AP1G1: variants seen among roughly 807,000 people sequenced by gnomAD.
AP1G1 encodes the protein AP-1 complex subunit gamma-1.
AP1G1 carries 7 observed loss-of-function variants against 108.3 expected under a neutral mutation model. That is an observed-to-expected ratio of 0.06 (90% CI 0.04 to 0.12). AP1G1 has a LOEUF of 0.12. Ranked by LOEUF, AP1G1 falls within the 10% of genes least tolerant of loss-of-function variation. AP1G1 has a pLI of 1.00. For missense variants in AP1G1, 756 were observed against 1,010.7 expected (o/e 0.75, Z 3.42); for synonymous variants, 379 against 353.5 (o/e 1.07, Z -0.81).
chr16:71,776,728 A>C (rs1023997422), intron 2 of AP1G1, among the ~76,000 whole-genome samples: 1 of 152,192 alleles, frequency 6.6e-6, no homozygotes, highest in African/African-American at 2.4e-5. Flanking sequence ...ACATACTCTT[A>C]GGCATTAATA....
intron 1 of AP1G1, among the ~76,000 whole-genome samples, chr16:71,800,977 A>G (rs1386203969): frequency 6.6e-6 from 1 of 152,062 alleles, no homozygotes; most frequent in Non-Finnish European, 1.5e-5. Context: ...CCTGGGCAGC[A>G]AAAGCAAAAC....
At chr16:71,750,393 A>G in intron 13 of AP1G1, 61 bp from the exon 14 acceptor site, 1 of 1,583,712 alleles carries the variant, frequency 6.3e-7, no homozygotes, top group Non-Finnish European at 8.6e-7. Flanking sequence ...AACAAGTGTT[A>G]GCTATTATTA....
At chr16:71,736,611 A>T (rs533397275) in intron 21 of AP1G1, among the ~76,000 whole-genome samples, 1 of 143,018 alleles carries the variant, frequency 7.0e-6, no homozygotes, top group Non-Finnish European at 1.5e-5. Context: ...TTTTGAGACG[A>T]GTCTCGCTCT....
intron 2 of AP1G1, among the ~76,000 whole-genome samples, chr16:71,775,600 A>T (rs1396680044): frequency 2.6e-5 from 4 of 152,080 alleles, no homozygotes; most frequent in African/African-American, 9.7e-5. Flanking sequence ...TTTGGGAATT[A>T]AAAAAAACTC....
At chr16:71,790,914 C>T (rs983426432) in intron 1 of AP1G1, among the ~76,000 whole-genome samples, 6 of 152,106 alleles carry the variant, frequency 3.9e-5, no homozygotes, top group African/African-American at 1.4e-4. Flanking sequence ...CTCCAAAGGA[C>T]ATCATTATGA....
At chr16:71,766,586 T>C (rs1194919218) in intron 6 of AP1G1, 9 of 306,630 alleles carry the variant, frequency 2.9e-5, no homozygotes, top group South Asian at 1.1e-4. Flanking sequence ...GCAAAGTGAA[T>C]TGCATTCCAT....
In AP1G1 at chr16:71,745,633, G is replaced by A. The variant is rs1362951133; in HGVS notation, c.1731-19C>T. ...GGCAGACCTAGAAGAATCTGAAGTG[G>A]TTAAATTCTAGGCAGTTAACCTAGA... On this transcript the variant is annotated intron_variant, in intron 17 of 22. Coordinates refer to ENST00000299980, the MANE Select transcript of AP1G1 (RefSeq NM_001128.6). 1.9e-6 allele frequency: 3 copies of A among 1,607,894 alleles called. No homozygotes were observed. The highest frequency in any genetic ancestry group is 2.2e-5 in the East Asian group (1 of 44,876).
chr16:71,753,057 T>C (rs1457354258), intron 13 of AP1G1, among the ~76,000 whole-genome samples: 1 of 152,210 alleles, frequency 6.6e-6, no homozygotes, highest in African/African-American at 2.4e-5. Flanking sequence ...CTTTTTGTTA[T>C]TCAATTTTTA....
intron 1 of AP1G1, among the ~76,000 whole-genome samples, chr16:71,802,772 G>A (rs914105879): frequency 2.6e-5 from 4 of 151,534 alleles, no homozygotes; most frequent in African/African-American, 9.7e-5. Flanking sequence ...GTGTTTCCCA[G>A]GCTGGTTTCA....
At chr16:71,775,781 G>T (rs567827404) in intron 2 of AP1G1, among the ~76,000 whole-genome samples, 3 of 151,976 alleles carry the variant, frequency 2.0e-5, no homozygotes, top group East Asian at 3.9e-4. Flanking sequence ...ATCCAATACA[G>T]AAAAAACAAA....
Position 71,746,702 on chromosome 16 carries a change from A to C in AP1G1, c.1626-10T>G. ...CACTTTCTTAATTCGGCTATAGATA[A>C]AATGACAAACGAAATAAAATACCCA... On this transcript the variant is annotated splice_polypyrimidine_tract_variant and intron_variant, in intron 16 of 22. Transcript: ENST00000299980. The C allele has an allele frequency of 1.9e-6, 3 of 1,591,666 alleles. No individual in the cohort carries two copies. The highest frequency in any genetic ancestry group is 2.6e-6 in the Non-Finnish European group (3 of 1,164,798).
At chr16:71,765,139 G>A (rs1469321343) in intron 7 of AP1G1, among the ~76,000 whole-genome samples, 2 of 152,194 alleles carry the variant, frequency 1.3e-5, no homozygotes, top group Non-Finnish European at 2.9e-5. Context: ...CCAGGAGTTT[G>A]AGACCAGCCT....
intron 19 of AP1G1, among the ~76,000 whole-genome samples, chr16:71,741,760 C>A (rs553901835): frequency 1.3e-5 from 2 of 152,200 alleles, no homozygotes; most frequent in East Asian, 3.9e-4. Flanking sequence ...AAAATCAAAT[C>A]GAGAAAATTT....
intron 19 of AP1G1, among the ~76,000 whole-genome samples, chr16:71,743,755 G>T (rs941959342): frequency 1.0e-4 from 15 of 148,864 alleles, no homozygotes; most frequent in African/African-American, 3.7e-4. Context: ...GGACCAACCT[G>T]GCCTACATGG....
intron 21 of AP1G1, 34 bp from the exon 22 acceptor site, chr16:71,734,741 G>A: frequency 6.4e-7 from 1 of 1,551,730 alleles, no homozygotes; most frequent in Non-Finnish European, 8.9e-7. Flanking sequence ...TTCAGAAAAA[G>A]AATTACACAA....
intron 1 of AP1G1, among the ~76,000 whole-genome samples, chr16:71,806,476 T>C (rs550878080): frequency 1.2e-3 from 176 of 152,302 alleles, no homozygotes; most frequent in African/African-American, 4.0e-3. Flanking sequence ...ACTCCTGGGC[T>C]CAAGGGATCC....
At chr16:71,790,471 G>A (rs2032358475) in intron 1 of AP1G1, among the ~76,000 whole-genome samples, 1 of 149,000 alleles carries the variant, frequency 6.7e-6, no homozygotes, top group Non-Finnish European at 1.5e-5. Flanking sequence ...AGGTTTCAGT[G>A]AGCCAAGATT....
intron 17 of AP1G1, among the ~76,000 whole-genome samples, chr16:71,746,010 T>C (rs1027571498): frequency 1.3e-5 from 2 of 151,868 alleles, no homozygotes; most frequent in Non-Finnish European, 2.9e-5. Context: ...AAAATACAAC[T>C]CCCACTTCTT....
At chr16:71,740,703 T>C (rs2045608594) in intron 19 of AP1G1, among the ~76,000 whole-genome samples, 1 of 152,114 alleles carries the variant, frequency 6.6e-6, no homozygotes, top group South Asian at 2.1e-4. Flanking sequence ...AAGGTAAAAA[T>C]TGGCAAAATA....
Sources: gnomAD v4.1 joint callset for allele counts (sites outside exome capture counted in the v4.1 genomes callset) on GRCh38, gnomAD v4.1.1 for gene constraint, MANE v1.5 for transcripts, NCBI Gene and HGNC (gene_info 2026-07-23, HGNC 2026-07-21) for gene names.